TMEM132B: variants seen among roughly 807,000 people sequenced by gnomAD.
TMEM132B encodes transmembrane protein 132B.
Under a neutral mutation model 90.8 loss-of-function variants are expected in TMEM132B, and 18 were observed. The observed-to-expected ratio is 0.20, with a 90% CI of 0.14 to 0.29. TMEM132B has a LOEUF of 0.29. Ranked by LOEUF, TMEM132B falls within the 10% of genes least tolerant of loss-of-function variation. TMEM132B has a pLI of 1.00. For synonymous variants in TMEM132B, 504 were observed against 523.3 expected (o/e 0.96, Z 0.50); for missense variants, 1,096 against 1,326.8 (o/e 0.83, Z 2.70).
intron 1 of TMEM132B, among the ~76,000 whole-genome samples, chr12:125,261,462 C>T (rs1407071564): frequency 1.3e-5 from 2 of 152,150 alleles, no homozygotes; most frequent in East Asian, 3.9e-4. Context: ...GATTTTAATG[C>T]TTAGCTGAAA....
intron 3 of TMEM132B, among the ~76,000 whole-genome samples, chr12:125,427,406 C>T (rs1414416769): frequency 6.6e-6 from 1 of 152,224 alleles, no homozygotes; most frequent in Non-Finnish European, 1.5e-5. Flanking sequence ...GAGCCCATAG[C>T]CATGTAGCTA....
intron 4 of TMEM132B, among the ~76,000 whole-genome samples, chr12:125,547,182 T>C (rs67905113): frequency 0.073 from 11,132 of 152,312 alleles, 551 homozygotes; most frequent in South Asian, 0.15. Flanking sequence ...TCAGGTACTA[T>C]GGTAAACATA....
At chr12:125,218,771 T>TTTG (rs1873495239) in intron 1 of TMEM132B, among the ~76,000 whole-genome samples, 1 of 144,484 alleles carries the variant, frequency 6.9e-6, no homozygotes, top group Non-Finnish European at 1.5e-5. Context: ...TTGAAGCTGT[T>TTTG]TTTTTTTTTT....
intron 4 of TMEM132B, among the ~76,000 whole-genome samples, chr12:125,557,564 T>C (rs1884422399): frequency 6.6e-6 from 1 of 152,216 alleles, no homozygotes; most frequent in East Asian, 1.9e-4. Flanking sequence ...AAATGCCAAT[T>C]CAACTGTGCT....
chr12:125,575,492 A>G (rs968690622), intron 4 of TMEM132B, among the ~76,000 whole-genome samples: 4 of 149,864 alleles, frequency 2.7e-5, no homozygotes, highest in African/African-American at 9.8e-5. Context: ...ATTTGCAAAT[A>G]TTTTCTCCCA....
chr12:125,494,288 C>T, intron 3 of TMEM132B, among the ~76,000 whole-genome samples: 1 of 138,450 alleles, frequency 7.2e-6, no homozygotes, highest in Non-Finnish European at 1.6e-5. Context: ...ATCCCTCCTC[C>T]CCCTCCTCCC....
intron 3 of TMEM132B, among the ~76,000 whole-genome samples, chr12:125,493,391 G>C (rs1016070284): frequency 6.6e-6 from 1 of 152,190 alleles, no homozygotes. Flanking sequence ...GGGATATGGG[G>C]AAATGTAGTT....
At chr12:125,476,949 A>T (rs538194251) in intron 3 of TMEM132B, among the ~76,000 whole-genome samples, 11 of 152,276 alleles carry the variant, frequency 7.2e-5, no homozygotes, top group African/African-American at 2.2e-4. Flanking sequence ...TTTTTGTGAA[A>T]CAACACAAAA....
chr12:125,545,443 C>A (rs1884064407), intron 4 of TMEM132B, among the ~76,000 whole-genome samples: 1 of 152,154 alleles, frequency 6.6e-6, no homozygotes, highest in African/African-American at 2.4e-5. Context: ...GTGTGGATGT[C>A]CACTGTCTCC....
At chr12:125,393,276 G>A (rs1879078278) in intron 2 of TMEM132B, among the ~76,000 whole-genome samples, 1 of 152,202 alleles carries the variant, frequency 6.6e-6, no homozygotes, top group Non-Finnish European at 1.5e-5. Flanking sequence ...ATTGTATGAA[G>A]TGGGAATGAT....
chr12:125,613,826 A>C (rs1195054470), intron 5 of TMEM132B, among the ~76,000 whole-genome samples: 1 of 152,068 alleles, frequency 6.6e-6, no homozygotes, highest in Non-Finnish European at 1.5e-5. Context: ...ACATATTTAT[A>C]TAGTTTGTTT....
intron 2 of TMEM132B, among the ~76,000 whole-genome samples, chr12:125,390,353 T>C (rs1207172920): frequency 1.3e-5 from 2 of 152,236 alleles, no homozygotes; most frequent in African/African-American, 4.8e-5. Context: ...CGTTGATCCA[T>C]AGAGACACAT....
At chr12:125,432,515 A>ATATATATG (rs1304435694) in intron 3 of TMEM132B, among the ~76,000 whole-genome samples, 1 of 72,466 alleles carries the variant, frequency 1.4e-5, no homozygotes, top group East Asian at 3.6e-4. Flanking sequence ...GTGTGTGTAT[A>ATATATATG]TATATATATA....
At chr12:125,409,701 TG>T (rs1879657006) in intron 2 of TMEM132B, among the ~76,000 whole-genome samples, 1 of 34,400 alleles carries the variant, frequency 2.9e-5, no homozygotes, top group Non-Finnish European at 5.6e-5. Flanking sequence ...AGGAGTGGAG[TG>T]GAGTGGAGTG....
intron 3 of TMEM132B, among the ~76,000 whole-genome samples, chr12:125,512,324 G>A (rs887001683): frequency 6.6e-6 from 1 of 152,144 alleles, no homozygotes; most frequent in Non-Finnish European, 1.5e-5. Context: ...TACTATTTTG[G>A]GGGGTATAGA....
chr12:125,524,815 G>C (rs1426396563), intron 4 of TMEM132B, among the ~76,000 whole-genome samples: 5 of 152,198 alleles, frequency 3.3e-5, no homozygotes, highest in African/African-American at 1.2e-4. Flanking sequence ...TGCTGAGTCA[G>C]ACACAGCCAA....
intron 3 of TMEM132B, among the ~76,000 whole-genome samples, chr12:125,469,527 G>A (rs192461724): frequency 6.6e-6 from 1 of 152,270 alleles, no homozygotes; most frequent in East Asian, 1.9e-4. Flanking sequence ...GGGAGTAGGT[G>A]TGCCTGGGTC....
chr12:125,640,007 T>G (rs1259479507), intron 5 of TMEM132B, among the ~76,000 whole-genome samples: 1 of 152,118 alleles, frequency 6.6e-6, no homozygotes, highest in East Asian at 1.9e-4. Flanking sequence ...GTTCCTTAGC[T>G]TCCGGGGTCA....
chr12:125,572,278 C>T (rs1884818062), intron 4 of TMEM132B, among the ~76,000 whole-genome samples: 2 of 152,214 alleles, frequency 1.3e-5, no homozygotes, highest in African/African-American at 4.8e-5. Context: ...CTGAATGCAA[C>T]AGCACTGGGA....
Sources: allele counts gnomAD v4.1 joint callset (sites outside exome capture counted in the v4.1 genomes callset), GRCh38; gene constraint gnomAD v4.1.1; transcripts MANE v1.5; gene names NCBI Gene and HGNC (gene_info 2026-07-23, HGNC 2026-07-21).